The following ZCCHC2 variants were observed in gnomAD, a reference collection of about 807,000 sequenced individuals.
ZCCHC2 encodes the protein zinc finger CCHC-type containing 2.
A neutral mutation model predicts 103.6 loss-of-function variants in ZCCHC2; 39 were observed. The ratio of observed to expected loss-of-function variants is 0.38; its 90% CI spans 0.29 to 0.49. The LOEUF is 0.49. Ranked by LOEUF, ZCCHC2 falls within the 20% of genes least tolerant of loss-of-function variation. The pLI is 0.96. For missense variants in ZCCHC2, 1,483 were observed against 1,491.0 expected, an observed-to-expected ratio of 0.99 and a Z score of 0.09; for synonymous variants, 687 against 608.9, an observed-to-expected ratio of 1.13 and a Z score of -1.89.
chr18:62,551,208 T>C (rs1040600798), intron 5 of ZCCHC2: 1 of 151,850 alleles, frequency 6.6e-6, no homozygotes, highest in Admixed American at 6.6e-5. Context: ...TGCTTGAGAG[T>C]AGAGGGGATG....
intron 1 of ZCCHC2, among the ~76,000 whole-genome samples, chr18:62,530,207 A>G (rs903447051): frequency 6.6e-6 from 1 of 151,892 alleles, no homozygotes; most frequent in East Asian, 1.9e-4. Flanking sequence ...CATAGAGGCT[A>G]TGAGAAGACC....
intron 1 of ZCCHC2, among the ~76,000 whole-genome samples, chr18:62,539,242 T>C (rs1266789660): frequency 6.6e-6 from 1 of 152,244 alleles, no homozygotes; most frequent in African/African-American, 2.4e-5. Flanking sequence ...TTGGCATGTA[T>C]TGATGATACC....
In ZCCHC2 at chr18:62,523,549, G is replaced by GCCC. The variant is rs1555783763; in HGVS notation, c.129_131dup (p.Pro50dup). 1.1e-5 allele frequency: 9 copies of GCCC among 832,084 alleles called. No individual in the cohort carries two copies. Among genetic ancestry groups the GCCC allele is most frequent in the Middle Eastern group, 6.2e-4 (1 of 1,624 alleles). The allele number at this position is 832,084 out of a possible 1,614,324, so 51.5% of individuals were successfully genotyped here. A position where few individuals can be genotyped will look rare whatever the true frequency, so the allele number is the denominator to read the frequency against. The stretch of plus-strand genomic sequence containing the variant: ...CCTTCGCGCCGCCGCCGCGACTGCC[G>GCCC]CCCCCCGCCGCCGCCGCCGCCGCCC... On this transcript the variant is annotated inframe_insertion, in exon 1 of 14. Coordinates refer to ENST00000269499, the MANE Select transcript of ZCCHC2 (RefSeq NM_017742.6).
intron 4 of ZCCHC2, among the ~76,000 whole-genome samples, chr18:62,549,632 T>C (rs982267964): frequency 1.3e-5 from 2 of 152,240 alleles, no homozygotes; most frequent in African/African-American, 4.8e-5. Context: ...ACTTGGAAAG[T>C]TGGCTTATGA....
chr18:62,584,030 A>C (rs183336738), intron 14 of ZCCHC2, among the ~76,000 whole-genome samples: 1 of 152,224 alleles, frequency 6.6e-6, no homozygotes, highest in East Asian at 1.9e-4. Flanking sequence ...GGTCAGAATA[A>C]CATCATATTT....
Position 62,527,707 on chromosome 18 carries a change from G to T in ZCCHC2, c.939+3344G>T, listed in dbSNP as rs560157767. Among the ~76,000 whole-genome samples, 3 of 152,138 alleles carry T rather than the reference G, an allele frequency of 2.0e-5. No homozygotes were observed. The South Asian group carries it at 6.2e-4, about 31-fold the overall frequency. On this transcript the variant is annotated intron_variant, in intron 1 of 13. Coordinates refer to ENST00000269499, the MANE Select transcript of ZCCHC2 (RefSeq NM_017742.6). ...GTCACTCACTACTGTGAGTGTCCTA[G>T]GAACTCTGTGTGATTGTTACAATCC...
intron 7 of ZCCHC2, among the ~76,000 whole-genome samples, chr18:62,559,285 A>G (rs1002572763): frequency 6.6e-6 from 1 of 152,240 alleles, no homozygotes; most frequent in African/African-American, 2.4e-5. Context: ...TATCCAGACT[A>G]TGGAAGGATC....
At position 62,523,467 on chromosome 18, in the gene ZCCHC2, G is replaced by A. The variant is rs1568531364; in HGVS notation, c.43G>A (p.Glu15Lys). The change falls in exon 1 of 14, where the codon GAG becomes AAG. Residue 15 changes from glutamate to lysine, a missense_variant. Glu to Lys is a moderately conservative substitution (Grantham distance 56). Coordinates refer to ENST00000269499, the MANE Select transcript of ZCCHC2 (RefSeq NM_017742.6). ...KLPLKPTHPA[E>K]PPPEAEEPEA... The stretch of plus-strand genomic sequence containing the variant: ...GCCGCTGAAGCCAACGCACCCCGCG[G>A]AGCCGCCGCCCGAGGCGGAGGAGCC... 9.2e-7 allele frequency: 1 copy of A among 1,091,602 alleles called. No individual in the cohort carries two copies. Among genetic ancestry groups the A allele is most frequent in the Non-Finnish European group, 1.1e-6 (1 of 886,692 alleles). The allele number at this position is 1,091,602 out of a possible 1,614,324, so 67.6% of individuals were successfully genotyped here.
At chr18:62,535,086 G>A (rs1914862716) in intron 1 of ZCCHC2, among the ~76,000 whole-genome samples, 2 of 152,160 alleles carry the variant, frequency 1.3e-5, no homozygotes, top group Non-Finnish European at 2.9e-5. Flanking sequence ...CCTTCCTGAC[G>A]ACCCCTTGGC....
chr18:62,536,992 A>G (rs1034246825), intron 1 of ZCCHC2, among the ~76,000 whole-genome samples: 2 of 152,178 alleles, frequency 1.3e-5, no homozygotes, highest in African/African-American at 4.8e-5. Flanking sequence ...TTATTGTGAT[A>G]TAAAATATAT....
chr18:62,548,728 A>G (rs555494951), intron 4 of ZCCHC2, among the ~76,000 whole-genome samples: 214 of 150,596 alleles, frequency 1.4e-3, no homozygotes, highest in African/African-American at 4.7e-3. Flanking sequence ...TTCGAGACCA[A>G]CCTAACCAAC....
chr18:62,545,052 AT>A (rs1915353725), intron 4 of ZCCHC2, among the ~76,000 whole-genome samples, 179 bp downstream of exon 4: 1 of 152,202 alleles, frequency 6.6e-6, no homozygotes, highest in Non-Finnish European at 1.5e-5. Flanking sequence ...CTTACCTGAC[AT>A]TACCAACATA....
At chr18:62,535,085 C>T (rs947803575) in intron 1 of ZCCHC2, among the ~76,000 whole-genome samples, 2 of 152,198 alleles carry the variant, frequency 1.3e-5, no homozygotes, top group African/African-American at 2.4e-5. Context: ...TCCTTCCTGA[C>T]GACCCCTTGG....
At chr18:62,544,344 ATTCCAT>A (rs1274313103) in intron 3 of ZCCHC2, among the ~76,000 whole-genome samples, 1 of 152,224 alleles carries the variant, frequency 6.6e-6, no homozygotes, top group Non-Finnish European at 1.5e-5. Context: ...CGAACCATAA[ATTCCAT>A]AAAAATATGA....
At chr18:62,525,873 A>G (rs1914365440) in intron 1 of ZCCHC2, 1 of 152,122 alleles carries the variant, frequency 6.6e-6, no homozygotes, top group Non-Finnish European at 1.5e-5. Flanking sequence ...TATATGCCGC[A>G]CAGCCATTAA....
intron 11 of ZCCHC2, among the ~76,000 whole-genome samples, chr18:62,568,624 T>C (rs1916468814): frequency 6.6e-6 from 1 of 152,214 alleles, no homozygotes; most frequent in African/African-American, 2.4e-5. Flanking sequence ...TTAAAACATA[T>C]TCTGAAATTT....
intron 9 of ZCCHC2, among the ~76,000 whole-genome samples, chr18:62,564,068 A>G (rs1916238243): frequency 6.6e-6 from 1 of 152,102 alleles, no homozygotes; most frequent in Non-Finnish European, 1.5e-5. Flanking sequence ...CCAAATGTTA[A>G]CTCTTCTTGG....
At position 62,523,306 on chromosome 18, in the gene ZCCHC2, C is replaced by A; in HGVS notation, c.-119C>A. On this transcript the variant is annotated 5_prime_UTR_variant, in exon 1 of 14. Coordinates refer to ENST00000269499, the MANE Select transcript of ZCCHC2 (RefSeq NM_017742.6). ...GAGACCCGCCCCCGGCCCCGGCCCT[C>A]CCCCGGCGGCATGGAGGGGCCCCGC... is the stretch of plus-strand genomic sequence containing the variant. 2 of 949,908 alleles carry A rather than the reference C, an allele frequency of 2.1e-6. No homozygotes were observed. The highest frequency in any genetic ancestry group is 2.5e-6 in the Non-Finnish European group (2 of 798,630). 58.8% of individuals were successfully genotyped at this position (949,908 alleles called of 1,614,324 possible). A position where few individuals can be genotyped will look rare whatever the true frequency, so the allele number is the denominator to read the frequency against.
chr18:62,534,491 C>T (rs1353067884), intron 1 of ZCCHC2, among the ~76,000 whole-genome samples: 1 of 152,100 alleles, frequency 6.6e-6, no homozygotes, highest in Non-Finnish European at 1.5e-5. Context: ...TGTTTGATCT[C>T]CAGTTTATGA....
Sources: gnomAD v4.1 joint callset for allele counts (sites outside exome capture counted in the v4.1 genomes callset) on GRCh38, gnomAD v4.1.1 for gene constraint, MANE v1.5 for transcripts, NCBI Gene and HGNC (gene_info 2026-07-23, HGNC 2026-07-21) for gene names.